Variants in CDKN3 observed in about 807,000 individuals in gnomAD.
The protein encoded by CDKN3 is cyclin dependent kinase inhibitor 3.
In CDKN3, 19 loss-of-function variants were observed where a neutral mutation model predicts 36.1. That is an observed-to-expected ratio of 0.53 (90% CI 0.37 to 0.77). CDKN3 has a LOEUF of 0.77. CDKN3 is among the 30% of genes least tolerant of loss of function. CDKN3 has a pLI of 0.00. For synonymous variants in CDKN3, 71 were observed against 85.3 expected, an observed-to-expected ratio of 0.83 and a Z score of 0.92; for missense variants, 188 against 248.6, an observed-to-expected ratio of 0.76 and a Z score of 1.64.
chr14:54,411,256 C>A, intron 4 of CDKN3: 10 of 459,790 alleles, frequency 2.2e-5, no homozygotes, highest in South Asian at 8.0e-5. Context: ...GCAAGAACAG[C>A]AATTGACTTA....
chr14:54,412,711 C>T (rs1056393812), intron 5 of CDKN3: 1 of 339,210 alleles, frequency 2.9e-6, no homozygotes, highest in Non-Finnish European at 6.1e-6. Context: ...GGATAAAAAA[C>T]AAGAGATGCT....
intron 4 of CDKN3, 107 bp from the exon 5 acceptor site, chr14:54,411,377 T>C: frequency 1.3e-6 from 1 of 762,308 alleles, no homozygotes; most frequent in South Asian, 1.8e-5. Context: ...TGTCATTTGG[T>C]ATTAGTTTGG....
intron 2 of CDKN3, 77 bp downstream of exon 2, chr14:54,400,053 T>C: frequency 1.3e-6 from 1 of 773,994 alleles, no homozygotes. Context: ...TACATCATAA[T>C]CTTAGTAGAA....
chr14:54,419,123 A>G (rs1347629633), intron 7 of CDKN3, among the ~76,000 whole-genome samples: 1 of 151,672 alleles, frequency 6.6e-6, no homozygotes, highest in Admixed American at 6.6e-5. Flanking sequence ...ACACCACTGC[A>G]CTCCAGCCTG....
chr14:54,398,873 G>C (rs1177638959), intron 1 of CDKN3, among the ~76,000 whole-genome samples: 1 of 151,846 alleles, frequency 6.6e-6, no homozygotes, highest in Non-Finnish European at 1.5e-5. Context: ...TGTTTTTTGA[G>C]AAAAGGGGTG....
chr14:54,405,525 T>C (rs935210143), intron 3 of CDKN3, among the ~76,000 whole-genome samples: 2 of 152,362 alleles, frequency 1.3e-5, no homozygotes, highest in African/African-American at 2.4e-5. Flanking sequence ...TGGGTGCTTT[T>C]ATGTTGGGTG....
rs1886329786 is a variant in CDKN3, at chr14:54,397,148, T to C, written c.9+71T>C. 5.0e-6 allele frequency: 7 copies of C among 1,399,740 alleles called. No homozygotes were observed. The East Asian group carries it at 2.1e-4, about 41-fold the overall frequency. 86.7% of individuals were successfully genotyped at this position (1,399,740 alleles called of 1,614,324 possible). On this transcript the variant is annotated intron_variant, in intron 1 of 7. Coordinates refer to ENST00000335183, the MANE Select transcript of CDKN3 (RefSeq NM_005192.4). ...GCAAGCGGTCCCGGGGACCCGATCC[T>C]GGGCCGGAGGGCAGCCCTAGCCTGG...
rs528326582 is a variant in CDKN3 at position 54,405,341 on chromosome 14, A to G, written c.149-3404A>G. On this transcript the variant is annotated intron_variant, in intron 3 of 7. Transcript: ENST00000335183. ...GATGATTTGGGGTGGAGAGTTCTGT[A>G]GATGTCAATTAGGTCTGCTTGGTCC... Among the ~76,000 whole-genome samples, 3 of 152,334 alleles carry G rather than the reference A, an allele frequency of 2.0e-5. No homozygotes were observed. In the South Asian group the frequency reaches 6.2e-4, roughly 32 times the overall value.
At chr14:54,410,524 A>T (rs1193546306) in intron 4 of CDKN3, among the ~76,000 whole-genome samples, 1 of 152,208 alleles carries the variant, frequency 6.6e-6, no homozygotes, top group Admixed American at 6.5e-5. Context: ...TAGAATGCCT[A>T]TAGTATTCAT....
At chr14:54,401,918 A>G (rs2029959649) in intron 3 of CDKN3, among the ~76,000 whole-genome samples, 1 of 152,146 alleles carries the variant, frequency 6.6e-6, no homozygotes, top group Non-Finnish European at 1.5e-5. Context: ...TTAGAATAAT[A>G]GTCTCCAGTG....
chr14:54,401,947 C>T (rs2029960638), intron 3 of CDKN3, among the ~76,000 whole-genome samples: 1 of 152,154 alleles, frequency 6.6e-6, no homozygotes, highest in Non-Finnish European at 1.5e-5. Context: ...CAGTCACTCA[C>T]ACCCGTAATC....
chr14:54,408,867 A>G, intron 4 of CDKN3, 78 bp downstream of exon 4: 1 of 1,450,440 alleles, frequency 6.9e-7, no homozygotes, highest in Non-Finnish European at 9.1e-7. Flanking sequence ...CAAAAAGAAC[A>G]AATCAGTTTT....
At chr14:54,401,607 T>C (rs1402570087) in intron 3 of CDKN3, 28 bp downstream of exon 3, 2 of 1,432,062 alleles carry the variant, frequency 1.4e-6, no homozygotes, top group Admixed American at 3.7e-5. Flanking sequence ...GGGCTTCCTA[T>C]CAATATGTAT....
intron 1 of CDKN3, 155 bp from the exon 2 acceptor site, chr14:54,399,739 C>T (rs1886420448): frequency 1.6e-6 from 1 of 624,004 alleles, no homozygotes; most frequent in Non-Finnish European, 2.9e-6. Context: ...AAATAGCAGT[C>T]ATTTATTATT....
intron 1 of CDKN3, among the ~76,000 whole-genome samples, chr14:54,399,450 T>C (rs1340813999): frequency 6.6e-6 from 1 of 152,238 alleles, no homozygotes; most frequent in Non-Finnish European, 1.5e-5. Flanking sequence ...CTGTAATCTA[T>C]GCACACATCT....
At chr14:54,417,801 TCAC>T in intron 6 of CDKN3, 44 bp from the exon 7 acceptor site, 2 of 1,028,248 alleles carry the variant, frequency 1.9e-6, no homozygotes, top group Non-Finnish European at 1.5e-6. Context: ...CTGTACCCTG[TCAC>T]TAGTTATTTA....
In CDKN3 at chr14:54,408,841, T is replaced by C. The variant is rs1160162925; in HGVS notation, c.193+52T>C. 5 of 1,492,692 alleles carry C rather than the reference T, an allele frequency of 3.3e-6. No homozygotes were observed. The Admixed American group carries it at 1.4e-4, about 41-fold the overall frequency. 92.5% of individuals were successfully genotyped at this position (1,492,692 alleles called of 1,614,324 possible). A position where few individuals can be genotyped will look rare whatever the true frequency, so the allele number is the denominator to read the frequency against. On this transcript the variant is annotated intron_variant, in intron 4 of 7. Coordinates refer to ENST00000335183, the MANE Select transcript of CDKN3 (RefSeq NM_005192.4). ...TCATGGGTTTTTTAAATGAATAGCA[T>C]TGAAAAACTCTCTGTCAAAAAGAAC... is the stretch of plus-strand genomic sequence containing the variant.
At chr14:54,411,732 G>A (rs1183148721) in intron 5 of CDKN3, 26 bp downstream of exon 5, 6 of 1,324,472 alleles carry the variant, frequency 4.5e-6, no homozygotes, top group Non-Finnish European at 6.5e-6. Flanking sequence ...CATACACTAT[G>A]TGAGAAATGT....
At chr14:54,397,355 G>A (rs896276158) in intron 1 of CDKN3, among the ~76,000 whole-genome samples, 11 of 152,256 alleles carry the variant, frequency 7.2e-5, no homozygotes, top group African/African-American at 2.7e-4. Flanking sequence ...CCTCCCAGCC[G>A]CCCAGCCAAA....
Sources: allele counts gnomAD v4.1 joint callset (sites outside exome capture counted in the v4.1 genomes callset), GRCh38; gene constraint gnomAD v4.1.1; transcripts MANE v1.5; gene names NCBI Gene and HGNC (gene_info 2026-07-23, HGNC 2026-07-21).